Variants in SATB2 observed in about 807,000 individuals in gnomAD.
SATB2 encodes the protein SATB homeobox 2, also known as DNA-binding protein SATB2.
SATB2 carries 1 observed loss-of-function variant against 73.4 expected under a neutral mutation model. The ratio of observed to expected loss-of-function variants is 0.01; its 90% CI spans 0.00 to 0.06. The LOEUF (loss-of-function observed/expected upper bound fraction) is 0.06, where lower values mean the gene tolerates loss of function less well. Among genes scored for constraint, SATB2 ranks in the 10% least tolerant of loss-of-function variants. The probability of loss-of-function intolerance (pLI) is 1.00; values close to 1 mark genes in which losing one functional copy is unlikely to be tolerated. For synonymous variants in SATB2, 397 were observed against 367.0 expected, an observed-to-expected ratio of 1.08 and a Z score of -0.93; for missense variants, 459 against 945.8, an observed-to-expected ratio of 0.49 and a Z score of 6.75.
At chr2:199,281,484 C>CACACACAT (rs1170438795) in intron 10 of SATB2, among the ~76,000 whole-genome samples, 1 of 151,184 alleles carries the variant, frequency 6.6e-6, no homozygotes, top group Non-Finnish European at 1.5e-5. Flanking sequence ...GAGATATATA[C>CACACACAT]ACACACACAC....
At chr2:199,280,186 C>G (rs543676721) in intron 10 of SATB2, among the ~76,000 whole-genome samples, 1 of 152,190 alleles carries the variant, frequency 6.6e-6, no homozygotes, top group South Asian at 2.1e-4. Flanking sequence ...AATCTCTGAA[C>G]ATAAATTGTG....
chr2:199,305,421 G>A (rs1012489733), intron 10 of SATB2, among the ~76,000 whole-genome samples: 2 of 152,166 alleles, frequency 1.3e-5, no homozygotes, highest in African/African-American at 2.4e-5. Context: ...CCTGGGTGAT[G>A]AAATATCTGT....
chr2:199,387,736 A>C (rs1473142056), intron 3 of SATB2, among the ~76,000 whole-genome samples: 1 of 152,218 alleles, frequency 6.6e-6, no homozygotes, highest in African/African-American at 2.4e-5. Context: ...ATAGAGTACC[A>C]ATCTACTCAA....
intron 5 of SATB2, 52 bp downstream of exon 5, chr2:199,380,312 A>T (rs1208388360): frequency 6.2e-7 from 1 of 1,609,996 alleles, no homozygotes; most frequent in East Asian, 2.2e-5. Context: ...CCTGATAGAG[A>T]GTCTACCAAT....
chr2:199,431,469 CTG>C (rs953024103), intron 3 of SATB2, among the ~76,000 whole-genome samples: 1 of 152,152 alleles, frequency 6.6e-6, no homozygotes, highest in African/African-American at 2.4e-5. Context: ...TAAAGTATAT[CTG>C]TACTCTAGAG....
intron 9 of SATB2, among the ~76,000 whole-genome samples, chr2:199,314,869 G>A (rs577851409): frequency 7.9e-5 from 12 of 152,156 alleles, no homozygotes; most frequent in South Asian, 2.1e-4. Flanking sequence ...GAATTAACTC[G>A]TCTTTCTTTT....
chr2:199,462,398 C>A (rs984584782), upstream of SATB2, among the ~76,000 whole-genome samples: 1 of 152,208 alleles, frequency 6.6e-6, no homozygotes, highest in Non-Finnish European at 1.5e-5. The surrounding 1 kb of genome is among the most constrained non-coding windows in gnomAD (Gnocchi z 5.9). Flanking sequence ...GGGGCTTAGA[C>A]TGGAAATCAG....
In SATB2 at chr2:199,438,351, C is replaced by T. The variant is rs2105934628; in HGVS notation, c.170-4837G>A. ...ACATTTATCACAAACTGATACTAGG[C>T]CAATAGTGTGACTGTCGTGAGCCCT... On this transcript the variant is annotated intron_variant, in intron 2 of 10. Transcript: ENST00000417098. Among the ~76,000 whole-genome samples, 3 of 152,248 alleles carry T rather than the reference C, an allele frequency of 2.0e-5. No individual in the cohort carries two copies. In the South Asian group the frequency reaches 6.2e-4, roughly 32 times the overall value.
At chr2:199,300,058 T>C (rs941150670) in intron 10 of SATB2, among the ~76,000 whole-genome samples, 19 of 152,164 alleles carry the variant, frequency 1.2e-4, no homozygotes, top group Admixed American at 1.1e-3. Context: ...CTCATTGCTC[T>C]ATGCTGCTCA....
intron 3 of SATB2, among the ~76,000 whole-genome samples, chr2:199,394,095 T>TA (rs1690230001): frequency 6.6e-6 from 1 of 152,144 alleles, no homozygotes; most frequent in Non-Finnish European, 1.5e-5. Flanking sequence ...TGAAAGACAA[T>TA]AACACAATCA....
intron 10 of SATB2, among the ~76,000 whole-genome samples, chr2:199,283,271 T>C (rs931576208): frequency 6.6e-6 from 1 of 151,022 alleles, no homozygotes; most frequent in African/African-American, 2.4e-5. Flanking sequence ...TTTGTATTTT[T>C]TGTAGGGACG....
intron 3 of SATB2, among the ~76,000 whole-genome samples, chr2:199,386,000 A>ACATAAGTGCTC (rs1455665413): frequency 6.6e-6 from 1 of 152,182 alleles, no homozygotes. Flanking sequence ...TGGGACTGCT[A>ACATAAGTGCTC]CATAAGTGCT....
chr2:199,316,123 A>G (rs1687728899), intron 9 of SATB2, among the ~76,000 whole-genome samples: 2 of 152,126 alleles, frequency 1.3e-5, no homozygotes, highest in African/African-American at 4.8e-5. Flanking sequence ...GGAAGCACAT[A>G]AAGTCCCCAA....
intron 6 of SATB2, among the ~76,000 whole-genome samples, chr2:199,355,377 G>T (rs1015755249): frequency 1.0e-4 from 11 of 105,582 alleles, no homozygotes; most frequent in African/African-American, 2.9e-4. Flanking sequence ...TATATATATA[G>T]TCTTTCACTC....
intron 5 of SATB2, among the ~76,000 whole-genome samples, chr2:199,379,661 A>T (rs1689706758): frequency 6.7e-6 from 1 of 148,870 alleles, no homozygotes; most frequent in South Asian, 2.1e-4. Flanking sequence ...TATATGTAAA[A>T]CGTCTATTTT....
At chr2:199,450,086 G>T (rs546294024) in intron 2 of SATB2, among the ~76,000 whole-genome samples, 1 of 152,050 alleles carries the variant, frequency 6.6e-6, no homozygotes, top group Admixed American at 6.6e-5. Context: ...CTTGGGGAGT[G>T]GGGGAGACGG....
chr2:199,416,180 A>T (rs998776458), intron 3 of SATB2, among the ~76,000 whole-genome samples: 1 of 152,226 alleles, frequency 6.6e-6, no homozygotes, highest in Non-Finnish European at 1.5e-5. Context: ...TATTATACCA[A>T]AGGAGGTTAT....
At chr2:199,295,679 C>T (rs1435998840) in intron 10 of SATB2, among the ~76,000 whole-genome samples, 1 of 152,170 alleles carries the variant, frequency 6.6e-6, no homozygotes, top group Non-Finnish European at 1.5e-5. Flanking sequence ...CCTGGCCTGA[C>T]TTACCTGTCA....
At chr2:199,310,576 C>A (rs1292461744) in intron 9 of SATB2, among the ~76,000 whole-genome samples, 1 of 152,090 alleles carries the variant, frequency 6.6e-6, no homozygotes, top group African/African-American at 2.4e-5. Context: ...TAAAAGAATT[C>A]TTGAAATGGA....
Sources: allele counts gnomAD v4.1 joint callset (sites outside exome capture counted in the v4.1 genomes callset), GRCh38; gene constraint gnomAD v4.1.1; non-coding constraint Gnocchi (gnomAD v3.1); transcripts MANE v1.5; gene names NCBI Gene and HGNC (gene_info 2026-07-23, HGNC 2026-07-21).